The following JPH3 variants were observed in gnomAD, a reference collection of about 807,000 sequenced individuals.
The protein encoded by JPH3 is junctophilin-3.
A neutral mutation model predicts 59.6 loss-of-function variants in JPH3; 11 were observed. The observed-to-expected ratio is 0.18, with a 90% CI of 0.12 to 0.31. JPH3 has a LOEUF of 0.31. JPH3 is among the 10% of genes least tolerant of loss of function. The pLI, the probability that JPH3 is intolerant of heterozygous loss-of-function variation, is 1.00. For synonymous variants in JPH3, 673 were observed against 483.6 expected, an observed-to-expected ratio of 1.39 and a Z score of -5.14; for missense variants, 1,202 against 1,105.7, an observed-to-expected ratio of 1.09 and a Z score of -1.24.
chr16:87,696,046 T>A (rs930577608), intron 4 of JPH3: 4 of 455,902 alleles, frequency 8.8e-6, no homozygotes, highest in African/African-American at 8.0e-5. Context: ...AGGGGTTTGT[T>A]GAGGAAGGTG....
chr16:87,658,984 C>T (rs980710815), intron 2 of JPH3, among the ~76,000 whole-genome samples: 5 of 152,194 alleles, frequency 3.3e-5, no homozygotes, highest in East Asian at 1.9e-4. Flanking sequence ...GAGGCGGGGT[C>T]GCAGCTGCAG....
chr16:87,665,050 G>A (rs960999526), intron 2 of JPH3, among the ~76,000 whole-genome samples: 2 of 152,210 alleles, frequency 1.3e-5, no homozygotes, highest in East Asian at 1.9e-4. Flanking sequence ...CTCCTTGAAC[G>A]GATAAACAGG....
At chr16:87,650,680 A>G (rs761733210) in intron 2 of JPH3, among the ~76,000 whole-genome samples, 24 of 152,238 alleles carry the variant, frequency 1.6e-4, no homozygotes, top group Non-Finnish European at 2.9e-4. Context: ...TGATATGGAG[A>G]AAATTTTAGG....
rs182491376 is a variant in JPH3, at chr16:87,697,317, G to A, written c.*657G>A. 1 of 152,618 alleles carries A rather than the reference G, an allele frequency of 6.6e-6. No homozygotes were observed. Among genetic ancestry groups the A allele is most frequent in the East Asian group, 1.9e-4 (1 of 5,188 alleles). 9.5% of individuals were successfully genotyped at this position (152,618 alleles called of 1,614,324 possible). A position where few individuals can be genotyped will look rare whatever the true frequency, so the allele number is the denominator to read the frequency against. ...TGCCCCCGGCCTTCCATGAGAAGCC[G>A]ACTCCCCACACCGAGTTTTAAAGCA... On this transcript the variant is annotated 3_prime_UTR_variant, in exon 5 of 5. Coordinates refer to ENST00000284262, the MANE Select transcript of JPH3 (RefSeq NM_020655.4).
chr16:87,686,933 C>T (rs1186948054), intron 3 of JPH3, among the ~76,000 whole-genome samples: 1 of 152,242 alleles, frequency 6.6e-6, no homozygotes, highest in African/African-American at 2.4e-5. Context: ...CCTCCTGCTG[C>T]TGCACCTTGG....
intron 2 of JPH3, among the ~76,000 whole-genome samples, chr16:87,645,973 C>T (rs141265680): frequency 4.6e-5 from 7 of 152,348 alleles, no homozygotes; most frequent in South Asian, 4.1e-4. Context: ...TGCTTTCCAC[C>T]GGCATTTGCT....
At chr16:87,630,492 TCACCCA>T (rs57376299) in intron 1 of JPH3, among the ~76,000 whole-genome samples, 36,083 of 152,018 alleles carry the variant, frequency 0.24, 4,547 homozygotes, top group African/African-American at 0.31. Context: ...GCTCAGGTCT[TCACCCA>T]CACCCACGTT....
chr16:87,662,732 A>G (rs1163066843), intron 2 of JPH3, among the ~76,000 whole-genome samples: 1 of 152,192 alleles, frequency 6.6e-6, no homozygotes, highest in Non-Finnish European at 1.5e-5. Flanking sequence ...CCTCTGGCTC[A>G]TCTTGAAGTT....
intron 1 of JPH3, among the ~76,000 whole-genome samples, chr16:87,616,088 CACAG>C (rs2030945596): frequency 6.6e-6 from 1 of 152,080 alleles, no homozygotes; most frequent in Admixed American, 6.5e-5. Context: ...GGGGTCTGAG[CACAG>C]ACAGCTTCCA....
At chr16:87,617,667 G>A (rs183558662) in intron 1 of JPH3, among the ~76,000 whole-genome samples, 34 of 152,250 alleles carry the variant, frequency 2.2e-4, no homozygotes, top group East Asian at 1.2e-3. Flanking sequence ...TAGGGCAGAG[G>A]CCAGGAGTCT....
At chr16:87,635,150 G>T (rs114064620) in intron 1 of JPH3, among the ~76,000 whole-genome samples, 74 of 152,284 alleles carry the variant, frequency 4.9e-4, no homozygotes, top group African/African-American at 1.7e-3. Flanking sequence ...GTGGCCATGA[G>T]CTCAGGTCTT....
At chr16:87,646,226 G>A (rs540135955) in intron 2 of JPH3, among the ~76,000 whole-genome samples, 1 of 152,354 alleles carries the variant, frequency 6.6e-6, no homozygotes, top group Admixed American at 6.5e-5. Flanking sequence ...CAGCCCATTT[G>A]GTTCTGATTT....
intron 1 of JPH3, chr16:87,604,085 C>T (rs373172692): frequency 2.0e-6 from 2 of 985,356 alleles, no homozygotes; most frequent in African/African-American, 3.5e-5. Flanking sequence ...CAGTACACTT[C>T]TAGGTGGTTG....
Position 87,603,463 on chromosome 16 carries a change from A to G in JPH3, c.317A>G (p.Lys106Arg). ...GVRECAGNGA[K>R]YEGTWSNGLQ... Reference sequence around the variant, plus strand: ...CGGGAGTGCGCGGGCAACGGGGCCAAATACGAAGGGACCTGGAGCAACGGG... The same window carrying G: ...CGGGAGTGCGCGGGCAACGGGGCCAGATACGAAGGGACCTGGAGCAACGGG... The change falls in exon 1 of 5, where the codon AAA becomes AGA. Residue 106 changes from lysine (K) to arginine (R), a missense_variant. Coordinates refer to ENST00000284262, the MANE Select transcript of JPH3 (RefSeq NM_020655.4). 6.4e-7 allele frequency: 1 copy of G among 1,561,020 alleles called. No homozygotes were observed. The highest frequency in any genetic ancestry group is 8.7e-7 in the Non-Finnish European group (1 of 1,153,286).
chr16:87,668,524 C>A (rs1374995498), intron 2 of JPH3, among the ~76,000 whole-genome samples: 1 of 152,220 alleles, frequency 6.6e-6, no homozygotes, highest in African/African-American at 2.4e-5. Flanking sequence ...CATCCTGCAT[C>A]TGTTACACCA....
intron 1 of JPH3, among the ~76,000 whole-genome samples, chr16:87,610,278 G>C (rs1281814108): frequency 6.6e-6 from 1 of 152,214 alleles, no homozygotes; most frequent in Non-Finnish European, 1.5e-5. Flanking sequence ...CAACGAACCA[G>C]TACCAGCCAC....
At chr16:87,628,595 G>C (rs1431781757) in intron 1 of JPH3, among the ~76,000 whole-genome samples, 3 of 152,212 alleles carry the variant, frequency 2.0e-5, no homozygotes, top group Non-Finnish European at 4.4e-5. Context: ...TTAGCACCTG[G>C]GCAAGTGGCT....
rs569284261 is a variant in JPH3 at position 87,603,380 on chromosome 16, G to C, written c.234G>C (p.Lys78Asn). 1 of 1,607,572 alleles carries C rather than the reference G, an allele frequency of 6.2e-7. No homozygotes were observed. The highest frequency in any genetic ancestry group is 8.5e-7 in the Non-Finnish European group (1 of 1,177,178). ...GKRHGIGLESKGKWVYKGEWT... is the reference protein window; with the variant it reads ...GKRHGIGLESNGKWVYKGEWT... ...GCCACGGCATCGGCCTGGAGAGCAA[G>C]GGGAAGTGGGTGTACAAGGGCGAGT... The change falls in exon 1 of 5, where the codon AAG becomes AAC. Residue 78 changes from lysine (K) to asparagine (N), a missense_variant. Transcript: ENST00000284262.
Position 87,613,095 on chromosome 16 carries a change from C to CTT in JPH3, c.382+9585_382+9586dup, listed in dbSNP as rs1190988631. Reference sequence around the variant, plus strand: ...ACAATACCTACGTTTCTTTCTTTCTCTTTTTTTTTTTTTTTTTTTGAGACA... The same window carrying CTT: ...ACAATACCTACGTTTCTTTCTTTCTCTTTTTTTTTTTTTTTTTTTTTGAGACA... On this transcript the variant is annotated intron_variant, in intron 1 of 4. Coordinates refer to ENST00000284262, the MANE Select transcript of JPH3 (RefSeq NM_020655.4). Among the ~76,000 whole-genome samples the CTT allele has an allele frequency of 1.6e-3, 207 of 128,702 alleles. 2 individuals are homozygous for CTT. Among genetic ancestry groups the CTT allele is most frequent in the African/African-American group, 5.6e-3 (187 of 33,266 alleles). 84.4% of individuals were successfully genotyped at this position (128,702 alleles called of 152,430 possible).
Sources: allele counts gnomAD v4.1 joint callset (sites outside exome capture counted in the v4.1 genomes callset), GRCh38; gene constraint gnomAD v4.1.1; transcripts MANE v1.5; gene names NCBI Gene and HGNC (gene_info 2026-07-23, HGNC 2026-07-21).